PCDHA1: variants seen among roughly 807,000 people sequenced by gnomAD.
PCDHA1 encodes protocadherin alpha-1.
Under a neutral mutation model 61.3 loss-of-function variants are expected in PCDHA1, and 42 were observed. The observed-to-expected ratio is 0.69, with a 90% CI of 0.54 to 0.89. The LOEUF (loss-of-function observed/expected upper bound fraction) is 0.89. Among genes scored for constraint, PCDHA1 ranks in the 40% least tolerant of loss-of-function variants. The pLI, the probability that PCDHA1 is intolerant of heterozygous loss-of-function variation, is 0.00. For missense variants in PCDHA1, 1,256 were observed against 1,235.3 expected, an observed-to-expected ratio of 1.02 and a Z score of -0.25; for synonymous variants, 610 against 553.8, an observed-to-expected ratio of 1.10 and a Z score of -1.43.
chr5:140,973,362 A>G (rs2096583702), intron 1 of PCDHA1, among the ~76,000 whole-genome samples: 1 of 152,256 alleles, frequency 6.6e-6, no homozygotes, highest in Non-Finnish European at 1.5e-5. Flanking sequence ...ATTTATAAAA[A>G]TTGCACAATG....
chr5:140,830,327 G>C (rs2150185000), intron 1 of PCDHA1: 1 of 1,614,032 alleles, frequency 6.2e-7, no homozygotes, highest in Non-Finnish European at 8.5e-7. Flanking sequence ...CAGCGCAGTG[G>C]GGAGCTGGTC....
At chr5:140,863,619 G>T (rs929497963) in intron 1 of PCDHA1, 8 of 333,052 alleles carry the variant, frequency 2.4e-5, no homozygotes, top group South Asian at 1.3e-4. Context: ...CCCTCATAGT[G>T]ACATTGATAA....
Position 140,786,759 on chromosome 5 carries a change from G to T in PCDHA1, c.469G>T (p.Ala157Ser). The change falls in exon 1 of 4, where the codon GCT becomes TCT. Residue 157 changes from alanine to serine, a missense_variant. Ala to Ser is a moderately conservative substitution (Grantham distance 99). Transcript: ENST00000504120. ...LLNSRFPIEG[A>S]ADADIGANAL... Reference sequence around the variant, plus strand: ...GAATTCGCGTTTTCCGATAGAAGGAGCTGCTGATGCAGACATTGGTGCTAA... The same window carrying T: ...GAATTCGCGTTTTCCGATAGAAGGATCTGCTGATGCAGACATTGGTGCTAA... 1 of 1,614,236 alleles carries T rather than the reference G, an allele frequency of 6.2e-7. No homozygotes were observed. Among genetic ancestry groups the T allele is most frequent in the Non-Finnish European group, 8.5e-7 (1 of 1,180,036 alleles).
chr5:140,880,790 T>C (rs2058480985), intron 1 of PCDHA1, among the ~76,000 whole-genome samples: 1 of 152,190 alleles, frequency 6.6e-6, no homozygotes, highest in African/African-American at 2.4e-5. Flanking sequence ...AGAGGAGTAA[T>C]ATAAATAGGT....
At chr5:140,802,028 C>G (rs1230635185) in intron 1 of PCDHA1, 1 of 1,614,018 alleles carries the variant, frequency 6.2e-7, no homozygotes, top group Non-Finnish European at 8.5e-7. Flanking sequence ...ATAAGGATAT[C>G]GCGTATTCTT....
At chr5:140,799,235 A>G (rs1338344867) in intron 1 of PCDHA1, among the ~76,000 whole-genome samples, 1 of 152,056 alleles carries the variant, frequency 6.6e-6, no homozygotes, top group Non-Finnish European at 1.5e-5. Flanking sequence ...TATTACCTTT[A>G]TCTCTTAATA....
rs2150409017 is a variant in PCDHA1, at chr5:140,848,335, G to A, written c.2394+59651G>A. ...TGCCGCGATGTTCTCTCTGAATCCA[G>A]ACAAATACAGCCCTTTTCCCATGGG... On this transcript the variant is annotated intron_variant, in intron 1 of 3. Transcript: ENST00000504120. The A allele has an allele frequency of 1.4e-5, 12 of 865,274 alleles. 2 individuals carry two copies. The highest frequency in any genetic ancestry group is 2.2e-5 in the Non-Finnish European group (12 of 551,794). 53.6% of individuals were successfully genotyped at this position (865,274 alleles called of 1,614,324 possible). A position where few individuals can be genotyped will look rare whatever the true frequency, so the allele number is the denominator to read the frequency against.
At chr5:140,821,608 T>G in intron 1 of PCDHA1, 1 of 759,916 alleles carries the variant, frequency 1.3e-6, no homozygotes, top group Non-Finnish European at 2.0e-6. Flanking sequence ...AGGAATACAG[T>G]GAGTAGATTT....
intron 1 of PCDHA1, chr5:140,852,195 C>A: frequency 2.8e-6 from 2 of 709,280 alleles, no homozygotes; most frequent in African/African-American, 1.9e-5. Context: ...ATGCCAGTAA[C>A]GTTTATTTAA....
intron 1 of PCDHA1, among the ~76,000 whole-genome samples, chr5:140,827,478 A>T (rs1477917338): frequency 6.6e-6 from 1 of 152,232 alleles, no homozygotes; most frequent in Non-Finnish European, 1.5e-5. Flanking sequence ...TTATTGAACA[A>T]AGAAAGCATG....
At chr5:140,802,763 G>C in intron 1 of PCDHA1, 1 of 1,612,888 alleles carries the variant, frequency 6.2e-7, no homozygotes, top group Non-Finnish European at 8.5e-7. Flanking sequence ...CGCTGCAGCC[G>C]CTGGACCACG....
At chr5:140,884,493 C>T (rs782633321) in intron 1 of PCDHA1, 2 of 1,614,038 alleles carry the variant, frequency 1.2e-6, no homozygotes, top group African/African-American at 1.3e-5. Flanking sequence ...CTAGTGTGCT[C>T]CAGCGCGGCA....
chr5:141,000,593 A>G (rs1021263998), intron 3 of PCDHA1, among the ~76,000 whole-genome samples: 3 of 150,498 alleles, frequency 2.0e-5, no homozygotes, highest in African/African-American at 4.9e-5. Flanking sequence ...ATGCCCAGCT[A>G]ATTTTTGTAT....
At chr5:140,895,525 T>G (rs1172545825) in intron 1 of PCDHA1, among the ~76,000 whole-genome samples, 1 of 152,196 alleles carries the variant, frequency 6.6e-6, no homozygotes, top group Non-Finnish European at 1.5e-5. Context: ...GGTTTATTCG[T>G]TTTTCAATTG....
chr5:140,997,866 TG>T (rs1554256038), intron 3 of PCDHA1, among the ~76,000 whole-genome samples: 1 of 152,216 alleles, frequency 6.6e-6, no homozygotes, highest in African/African-American at 2.4e-5. Context: ...TTCTTATGCA[TG>T]CTTGCTAGTA....
intron 1 of PCDHA1, chr5:140,875,853 C>T (rs2055871558): frequency 6.2e-7 from 1 of 1,614,162 alleles, no homozygotes; most frequent in African/African-American, 1.3e-5. Flanking sequence ...AGGACATTAA[C>T]GACAACCCGC....
At chr5:140,797,197 G>T (rs1554120333) in intron 1 of PCDHA1, 1 of 1,614,074 alleles carries the variant, frequency 6.2e-7, no homozygotes, top group Non-Finnish European at 8.5e-7. Flanking sequence ...CTCCAGCGCC[G>T]TGGGGAGCTG....
chr5:140,943,420 G>T (rs1197382156), intron 1 of PCDHA1, among the ~76,000 whole-genome samples: 1 of 152,040 alleles, frequency 6.6e-6, no homozygotes, highest in Non-Finnish European at 1.5e-5. Context: ...AGAGGCAAGG[G>T]CTTTAATATG....
chr5:140,905,231 A>G (rs2071692761), intron 1 of PCDHA1, among the ~76,000 whole-genome samples: 1 of 152,180 alleles, frequency 6.6e-6, no homozygotes, highest in African/African-American at 2.4e-5. Flanking sequence ...AGAGATGAGG[A>G]TCCAGTTTCA....
Sources: gnomAD v4.1 joint callset for allele counts (sites outside exome capture counted in the v4.1 genomes callset) on GRCh38, gnomAD v4.1.1 for gene constraint, MANE v1.5 for transcripts, NCBI Gene and HGNC (gene_info 2026-07-23, HGNC 2026-07-21) for gene names.